Variants in LRP1B observed in about 807,000 individuals in gnomAD.
LRP1B encodes LDL receptor related protein 1B.
Under a neutral mutation model 556.6 loss-of-function variants are expected in LRP1B, and 217 were observed. The ratio of observed to expected loss-of-function variants is 0.39; its 90% CI spans 0.35 to 0.44. LRP1B has a LOEUF of 0.44. Ranked by LOEUF, LRP1B falls within the 20% of genes least tolerant of loss-of-function variation. The pLI is 1.00. For missense variants in LRP1B, 5,053 were observed against 5,620.8 expected (o/e 0.90, Z 3.23); for synonymous variants, 2,047 against 1,865.8 (o/e 1.10, Z -2.50).
At chr2:141,463,902 A>C (rs903932278) in intron 3 of LRP1B, among the ~76,000 whole-genome samples, 1 of 148,920 alleles carries the variant, frequency 6.7e-6, no homozygotes, top group African/African-American at 2.5e-5. Context: ...ATATATCTCA[A>C]ATTTTTTCTG....
intron 50 of LRP1B, among the ~76,000 whole-genome samples, chr2:140,515,817 G>A (rs1689871425): frequency 6.6e-6 from 1 of 151,994 alleles, no homozygotes; most frequent in South Asian, 2.1e-4. Context: ...AAAATAAAAT[G>A]CACCTTCACA....
intron 2 of LRP1B, among the ~76,000 whole-genome samples, chr2:141,556,859 T>A (rs1685976957): frequency 6.6e-6 from 1 of 151,828 alleles, no homozygotes; most frequent in African/African-American, 2.4e-5. Context: ...TTAAGTAATT[T>A]GCTCCAGGTC....
At chr2:141,859,770 C>G (rs1220192111) in intron 1 of LRP1B, among the ~76,000 whole-genome samples, 2 of 151,990 alleles carry the variant, frequency 1.3e-5, no homozygotes, top group Non-Finnish European at 2.9e-5. Flanking sequence ...TAAGTATGTA[C>G]AATTATGTGT....
chr2:141,207,974 C>G (rs1682358765), intron 6 of LRP1B: 1 of 152,256 alleles, frequency 6.6e-6, no homozygotes, highest in South Asian at 2.1e-4. Flanking sequence ...CCGTGTCCGC[C>G]TTGGGAAGCA....
At chr2:141,846,833 T>C (rs915953016) in intron 1 of LRP1B, among the ~76,000 whole-genome samples, 1 of 151,470 alleles carries the variant, frequency 6.6e-6, no homozygotes, top group African/African-American at 2.4e-5. Flanking sequence ...ACCAGCATTT[T>C]TCTTACTAGA....
At chr2:140,637,112 T>A (rs1179021483) in intron 41 of LRP1B, among the ~76,000 whole-genome samples, 1 of 152,154 alleles carries the variant, frequency 6.6e-6, no homozygotes, top group African/African-American at 2.4e-5. Context: ...TTACCCAATG[T>A]AGAGATACAA....
chr2:140,708,613 G>C (rs1686925561), intron 37 of LRP1B, among the ~76,000 whole-genome samples: 1 of 151,214 alleles, frequency 6.6e-6, no homozygotes, highest in East Asian at 1.9e-4. Context: ...CTGCCTCATT[G>C]CCCATCCTCT....
At position 140,457,554 on chromosome 2, in the gene LRP1B, A is replaced by G; in HGVS notation, c.9723T>C (p.His3241=). The change falls in exon 61 of 91, where the codon CAT becomes CAC. Residue 3241 remains histidine (H), a synonymous_variant. Coordinates refer to ENST00000389484, the MANE Select transcript of LRP1B (RefSeq NM_018557.3). ...AGAGTCTGTCTGCTCCCGATGTTTT[A>G]TGGGCACGGCTGAGTGACTTGGTTT... The part of the protein sequence containing the change: ...DGKTKSLSRA[H]KTSGADRLSL... 1 of 1,613,860 alleles carries G rather than the reference A, an allele frequency of 6.2e-7. No individual in the cohort carries two copies. The highest frequency in any genetic ancestry group is 2.2e-5 in the East Asian group (1 of 44,864).
intron 1 of LRP1B, among the ~76,000 whole-genome samples, chr2:142,088,105 T>C (rs1295281052): frequency 6.6e-6 from 1 of 152,092 alleles, no homozygotes; most frequent in Non-Finnish European, 1.5e-5. Flanking sequence ...TAATTGAAAA[T>C]ATTTTATATC....
chr2:141,162,034 A>G lies in LRP1B; in HGVS notation c.1013+26387T>C, dbSNP rs147176923. Among the ~76,000 whole-genome samples the G allele has an allele frequency of 9.7e-4, 147 of 152,208 alleles. 1 individual carries two copies. Among genetic ancestry groups the G allele is most frequent in the African/African-American group, 3.2e-3 (135 of 41,556 alleles). ...GTGTGAAGATTATATGGAATTATAT[A>G]GACTTACTTTGAAATTTCAAGATTC... On this transcript the variant is annotated intron_variant, in intron 7 of 90. Transcript: ENST00000389484.
At chr2:141,538,164 A>T (rs1418423309) in intron 2 of LRP1B, among the ~76,000 whole-genome samples, 2 of 152,140 alleles carry the variant, frequency 1.3e-5, no homozygotes, top group Non-Finnish European at 2.9e-5. Flanking sequence ...CAAAAAGTCC[A>T]CACAACCGCC....
At chr2:141,707,561 C>T (rs1281235354) in intron 2 of LRP1B, among the ~76,000 whole-genome samples, 1 of 152,158 alleles carries the variant, frequency 6.6e-6, no homozygotes, top group East Asian at 1.9e-4. Context: ...CCTGCAATTA[C>T]TGCACACACA....
chr2:141,709,201 T>C (rs1384297051), intron 2 of LRP1B, among the ~76,000 whole-genome samples: 1 of 151,632 alleles, frequency 6.6e-6, no homozygotes, highest in Non-Finnish European at 1.5e-5. Flanking sequence ...ATACAAAAAT[T>C]AGCCAGTTGT....
chr2:141,855,236 A>T (rs1698010487), intron 1 of LRP1B, among the ~76,000 whole-genome samples: 1 of 152,092 alleles, frequency 6.6e-6, no homozygotes, highest in African/African-American at 2.4e-5. Context: ...ACAGAAGCAG[A>T]TGTAACAGGT....
At chr2:140,614,568 G>A (rs497604) in intron 41 of LRP1B, among the ~76,000 whole-genome samples, 13,254 of 152,048 alleles carry the variant, frequency 0.087, 873 homozygotes, top group African/African-American at 0.18. Flanking sequence ...CAGAAAATTG[G>A]AGCTGAGTCG....
chr2:141,099,136 T>G (rs1473227786), intron 7 of LRP1B, among the ~76,000 whole-genome samples: 2 of 152,172 alleles, frequency 1.3e-5, no homozygotes, highest in East Asian at 3.9e-4. Context: ...TTTTAAAGAT[T>G]TAATGCCAAA....
chr2:140,305,433 T>G (rs1684024457), intron 83 of LRP1B, among the ~76,000 whole-genome samples: 1 of 152,188 alleles, frequency 6.6e-6, no homozygotes, highest in African/African-American at 2.4e-5. Context: ...GAATGGGAGT[T>G]CACTCATGAT....
intron 3 of LRP1B, among the ~76,000 whole-genome samples, chr2:141,312,332 A>G (rs947311600): frequency 9.9e-5 from 15 of 152,138 alleles, no homozygotes; most frequent in Non-Finnish European, 1.8e-4. Flanking sequence ...AATGTTAAAC[A>G]TATTTTTTCT....
At chr2:141,399,736 C>T (rs963537748) in intron 3 of LRP1B, among the ~76,000 whole-genome samples, 8 of 152,228 alleles carry the variant, frequency 5.3e-5, no homozygotes, top group African/African-American at 1.7e-4. Context: ...TCATTGTCCT[C>T]GTTTGTGACT....
Sources: gnomAD v4.1 joint callset for allele counts (sites outside exome capture counted in the v4.1 genomes callset) on GRCh38, gnomAD v4.1.1 for gene constraint, MANE v1.5 for transcripts, NCBI Gene and HGNC (gene_info 2026-07-23, HGNC 2026-07-21) for gene names.